The following CSMD2 variants were observed in gnomAD, a reference collection of about 807,000 sequenced individuals.
CSMD2 encodes the protein CUB and Sushi multiple domains 2, also known as CUB and sushi domain-containing protein 2.
A neutral mutation model predicts 398.5 loss-of-function variants in CSMD2; 130 were observed. That is an observed-to-expected ratio of 0.33 (90% confidence interval 0.28 to 0.38). The LOEUF (loss-of-function observed/expected upper bound fraction) is 0.38. CSMD2 is among the 10% of genes least tolerant of loss of function. The pLI is 1.00. For missense variants in CSMD2, 3,829 were observed against 4,764.9 expected (o/e 0.80, Z 5.78); for synonymous variants, 1,828 against 1,908.5 (o/e 0.96, Z 1.10).
At chr1:33,570,333 ATT>A (rs57025243) in intron 51 of CSMD2, among the ~76,000 whole-genome samples, 26,713 of 140,476 alleles carry the variant, frequency 0.19, 3,051 homozygotes, top group Non-Finnish European at 0.26. Flanking sequence ...ATGCTGGCTA[ATT>A]TTTTTTTTTT....
intron 3 of CSMD2, among the ~76,000 whole-genome samples, chr1:33,942,376 A>T (rs1644703238): frequency 6.6e-6 from 1 of 152,230 alleles, no homozygotes; most frequent in Non-Finnish European, 1.5e-5. Flanking sequence ...TTGGGGTGAC[A>T]ACCAGGCAAG....
chr1:33,625,022 C>T lies in CSMD2; in HGVS notation c.5500+29G>A. ...AAAGGACTACGTGCCGCCCCCCGCA[C>T]CCTCAACGCCCGGGTCCTGGTTACT... is the stretch of plus-strand genomic sequence containing the variant. On this transcript the variant is annotated intron_variant, in intron 34 of 70. Coordinates refer to ENST00000373381, the MANE Select transcript of CSMD2 (RefSeq NM_001281956.2). The T allele has an allele frequency of 2.5e-6, 4 of 1,610,070 alleles. No homozygotes were observed. The South Asian group carries it at 3.3e-5, about 13-fold the overall frequency.
At chr1:33,793,082 T>C (rs1001141127) in intron 10 of CSMD2, among the ~76,000 whole-genome samples, 3 of 152,214 alleles carry the variant, frequency 2.0e-5, no homozygotes, top group African/African-American at 4.8e-5. Context: ...TATGCCAGGC[T>C]GGGCGGTGGG....
At chr1:33,750,666 A>T (rs571565942) in intron 13 of CSMD2, among the ~76,000 whole-genome samples, 1 of 152,354 alleles carries the variant, frequency 6.6e-6, no homozygotes, top group Non-Finnish European at 1.5e-5. Context: ...CTGGAAAAGA[A>T]AGTCCAGAAA....
chr1:33,546,784 T>C (rs1488573352), intron 56 of CSMD2, among the ~76,000 whole-genome samples: 20 of 152,154 alleles, frequency 1.3e-4, no homozygotes, highest in Admixed American at 1.3e-3. Flanking sequence ...GGCTCCCCGA[T>C]GCCATAGGAT....
chr1:33,582,099 G>A (rs1320221313), intron 47 of CSMD2, among the ~76,000 whole-genome samples: 2 of 152,266 alleles, frequency 1.3e-5, no homozygotes, highest in Admixed American at 6.5e-5. Context: ...GAAAACCTGA[G>A]TAACTAATGG....
At chr1:34,058,310 C>G (rs1654086007) in intron 2 of CSMD2, among the ~76,000 whole-genome samples, 1 of 152,154 alleles carries the variant, frequency 6.6e-6, no homozygotes, top group Admixed American at 6.5e-5. Flanking sequence ...CCCAGATGAT[C>G]TTTGTGATGA....
At position 33,979,741 on chromosome 1, in the gene CSMD2, G is replaced by A. The variant is rs117440119; in HGVS notation, c.518-43787C>T. ...TGTGAGCCTGTGTGTCTGGTGGTGA[G>A]TGTGACTGGATGTCTCAGACTATGA... On this transcript the variant is annotated intron_variant, in intron 3 of 70. Transcript: ENST00000373381. 5.6e-4 allele frequency among the ~76,000 whole-genome samples: 85 copies of A among 152,282 alleles called. No homozygotes were observed. In the East Asian group the frequency reaches 0.015, roughly 27 times the overall value.
chr1:33,643,726 T>C (rs993375378), intron 29 of CSMD2, among the ~76,000 whole-genome samples: 7 of 152,088 alleles, frequency 4.6e-5, no homozygotes, highest in Admixed American at 3.9e-4. Flanking sequence ...TGGGACCTGA[T>C]AGCAAAGTAG....
chr1:33,735,462 G>A (rs975111900), intron 15 of CSMD2, among the ~76,000 whole-genome samples: 1 of 152,150 alleles, frequency 6.6e-6, no homozygotes, highest in Non-Finnish European at 1.5e-5. Flanking sequence ...TCTTTCTTGG[G>A]AAATTTCTGA....
At chr1:33,600,371 G>A (rs1315745010) in intron 44 of CSMD2, 2 of 581,438 alleles carry the variant, frequency 3.4e-6, no homozygotes, top group Admixed American at 3.4e-5. Flanking sequence ...CTTGGGACTT[G>A]TAGAAGAAAA....
intron 2 of CSMD2, among the ~76,000 whole-genome samples, chr1:34,037,901 CAACA>C (rs1407770464): frequency 2.6e-5 from 4 of 152,202 alleles, no homozygotes. Flanking sequence ...TGTACACTGT[CAACA>C]AACAATTACA....
chr1:34,002,875 T>G lies in CSMD2; in HGVS notation c.517+29719A>C, dbSNP rs538290994. Among the ~76,000 whole-genome samples the G allele has an allele frequency of 5.1e-4, 77 of 152,282 alleles. 1 individual carries two copies. In the Middle Eastern group the frequency reaches 0.02, roughly 40 times the overall value. On this transcript the variant is annotated intron_variant, in intron 3 of 70. Transcript: ENST00000373381. ...ATTTAAAGTGGTTTGCAAACAGTAT[T>G]TGTAATTAAATGGCAATGGGTAATG...
chr1:34,027,346 T>C (rs1028384196), intron 3 of CSMD2, among the ~76,000 whole-genome samples: 8 of 152,230 alleles, frequency 5.3e-5, no homozygotes, highest in African/African-American at 1.7e-4. Context: ...TCCACCCATT[T>C]TAATCCATGA....
In CSMD2 at chr1:34,145,369, T is replaced by G. The variant is rs114365379; in HGVS notation, c.187+19542A>C. 3.1e-3 allele frequency among the ~76,000 whole-genome samples: 478 copies of G among 152,326 alleles called. 4 individuals are homozygous for G. The highest frequency in any genetic ancestry group is 0.011 in the African/African-American group (468 of 41,582). ...ACAGCAGAAAGGCAGGAGGGCTGCA[T>G]GCCTGCTTCTTTGAGTGGCACCTCC... On this transcript the variant is annotated intron_variant, in intron 1 of 70. Coordinates refer to ENST00000373381, the MANE Select transcript of CSMD2 (RefSeq NM_001281956.2).
chr1:33,588,728 A>G (rs1179335081), intron 44 of CSMD2, among the ~76,000 whole-genome samples: 1 of 152,230 alleles, frequency 6.6e-6, no homozygotes, highest in Non-Finnish European at 1.5e-5. Flanking sequence ...ATCCACATCC[A>G]GTGCGCCATG....
chr1:33,709,581 C>T, intron 21 of CSMD2: 2 of 433,132 alleles, frequency 4.6e-6, no homozygotes, highest in Non-Finnish European at 8.1e-6. Context: ...TGCCACATAC[C>T]TATTCATATA....
intron 10 of CSMD2, among the ~76,000 whole-genome samples, chr1:33,806,777 A>G (rs563576982): frequency 2.6e-5 from 4 of 152,332 alleles, no homozygotes; most frequent in African/African-American, 9.6e-5. Context: ...ATTAAAATAA[A>G]TCTTCAGTGA....
rs191974429 is a variant in CSMD2 at position 34,068,200 on chromosome 1, C to T, written c.404+20777G>A. Among the ~76,000 whole-genome samples, 887 of 152,352 alleles carry T rather than the reference C, an allele frequency of 5.8e-3. 3 individuals are homozygous for T. Among genetic ancestry groups the T allele is most frequent in the Non-Finnish European group, 9.6e-3 (653 of 68,038 alleles). ...TAAGAGTCTCCTTCCTTCAAGTGAA[C>T]AGCCTGAAGTCCTCAAGATCCATCT... is the stretch of plus-strand genomic sequence containing the variant. On this transcript the variant is annotated intron_variant, in intron 2 of 70. Transcript: ENST00000373381.
Sources: allele counts gnomAD v4.1 joint callset (sites outside exome capture counted in the v4.1 genomes callset), GRCh38; gene constraint gnomAD v4.1.1; transcripts MANE v1.5; gene names NCBI Gene and HGNC (gene_info 2026-07-23, HGNC 2026-07-21).